Variants in MYCT1 observed in about 807,000 individuals in gnomAD.
MYCT1 encodes MYC target 1.
MYCT1 carries 12 observed loss-of-function variants against 15.0 expected under a neutral mutation model. The observed-to-expected ratio is 0.80, with a 90% CI of 0.51 to 1.29. MYCT1 has a LOEUF of 1.29. Ranked by LOEUF, MYCT1 falls within the 50% of genes most tolerant of loss-of-function variation. MYCT1 has a pLI of 0.00. For missense variants in MYCT1, 287 were observed against 279.1 expected (o/e 1.03, Z -0.20); for synonymous variants, 104 against 102.7 (o/e 1.01, Z -0.07).
intron 1 of MYCT1, 132 bp downstream of exon 1, chr6:152,698,230 T>A (rs1361153702): frequency 9.8e-6 from 4 of 406,752 alleles, no homozygotes; most frequent in Non-Finnish European, 1.7e-5. Flanking sequence ...TTTTCATGTT[T>A]ATTAACAGAA....
the MYCT1 span, among the ~76,000 whole-genome samples, chr6:152,737,232 ATAAAT>A: frequency 1.3e-5 from 2 of 152,152 alleles, no homozygotes; most frequent in African/African-American, 2.4e-5. Flanking sequence ...TTAGCTATAA[ATAAAT>A]TAAAAGTTTT....
At chr6:152,698,536 C>T (rs1282693713) in intron 1 of MYCT1, among the ~76,000 whole-genome samples, 11 of 151,858 alleles carry the variant, frequency 7.2e-5, no homozygotes, top group Non-Finnish European at 1.2e-4. Context: ...TGAGATTTTC[C>T]ATAGAGGCTA....
the MYCT1 span, among the ~76,000 whole-genome samples, chr6:152,739,769 G>A: frequency 6.6e-6 from 1 of 151,924 alleles, no homozygotes; most frequent in Admixed American, 6.6e-5. Flanking sequence ...CTTGAAATTT[G>A]AAATATTTTT....
At chr6:152,743,435 C>T in the MYCT1 span, among the ~76,000 whole-genome samples, 741 of 152,258 alleles carry the variant, frequency 4.9e-3, 4 homozygotes, top group Non-Finnish European at 7.8e-3. Context: ...ACCTAGGAAG[C>T]GACTCCCCGT....
intron 1 of MYCT1, among the ~76,000 whole-genome samples, chr6:152,699,182 A>C (rs536143329): frequency 2.6e-5 from 4 of 152,180 alleles, no homozygotes; most frequent in Non-Finnish European, 4.4e-5. Context: ...CCAGCAATCT[A>C]TATGTCTACC....
the MYCT1 span, among the ~76,000 whole-genome samples, chr6:152,742,644 A>G: frequency 6.6e-6 from 1 of 152,214 alleles, no homozygotes; most frequent in African/African-American, 2.4e-5. Flanking sequence ...ATTTGAGTCT[A>G]TAGAAGTTGC....
chr6:152,733,762 G>T, the MYCT1 span, among the ~76,000 whole-genome samples: 1 of 152,126 alleles, frequency 6.6e-6, no homozygotes, highest in East Asian at 1.9e-4. Flanking sequence ...TTGGGAATAG[G>T]CAAGTTAAAA....
At chr6:152,744,865 G>T in the MYCT1 span, among the ~76,000 whole-genome samples, 2 of 152,162 alleles carry the variant, frequency 1.3e-5, no homozygotes, top group Non-Finnish European at 2.9e-5. Flanking sequence ...TGTGGCGTCA[G>T]ATCTCTCCCA....
chr6:152,701,116 A>G (rs2099721238), intron 1 of MYCT1, among the ~76,000 whole-genome samples: 2 of 152,224 alleles, frequency 1.3e-5, no homozygotes, highest in African/African-American at 4.8e-5. Context: ...ATGAGGTGCT[A>G]TCTGTTCCTA....
rs1370954525 is a variant in MYCT1 at position 152,724,139 on chromosome 6, A to G, written c.*1886A>G. The G allele has an allele frequency of 6.6e-6, 1 of 152,136 alleles. No homozygotes were observed. The highest frequency in any genetic ancestry group is 2.1e-4 in the South Asian group (1 of 4,832). 9.4% of individuals were successfully genotyped at this position (152,136 alleles called of 1,614,324 possible). On this transcript the variant is annotated 3_prime_UTR_variant, in exon 2 of 2. Transcript: ENST00000367245. ...ATGGAAGAAAAAGGGAAAAAAGCTA[A>G]CCGGATAACCAATTTGTTATAAGTT... is the stretch of plus-strand genomic sequence containing the variant.
At chr6:152,744,587 A>T in the MYCT1 span, among the ~76,000 whole-genome samples, 1 of 152,172 alleles carries the variant, frequency 6.6e-6, no homozygotes, top group Admixed American at 6.5e-5. Flanking sequence ...GCTGCAGGAG[A>T]GAGGCCACCC....
chr6:152,730,597 G>A, the MYCT1 span, among the ~76,000 whole-genome samples: 1 of 152,108 alleles, frequency 6.6e-6, no homozygotes, highest in Non-Finnish European at 1.5e-5. Context: ...TTGTTAATTG[G>A]ATTTTGCGAG....
intron 1 of MYCT1, among the ~76,000 whole-genome samples, chr6:152,713,891 G>T (rs555482106): frequency 1.3e-5 from 2 of 152,188 alleles, no homozygotes; most frequent in South Asian, 4.1e-4. Flanking sequence ...CAGGTTAAAA[G>T]GTTTGAAAAC....
chr6:152,699,663 A>G (rs1303819314), intron 1 of MYCT1, among the ~76,000 whole-genome samples: 1 of 152,176 alleles, frequency 6.6e-6, no homozygotes, highest in Non-Finnish European at 1.5e-5. Context: ...ATTATTCAAA[A>G]GTAAAGTAGT....
rs2099725262 is a variant in MYCT1 at position 152,724,440 on chromosome 6, C to A, written c.*2187C>A. ...ACCCTTATCCCAGTTATAAGACAGT[C>A]AAAATGACTATTTCCTAAATATTGT... On this transcript the variant is annotated 3_prime_UTR_variant, in exon 2 of 2. Transcript: ENST00000367245. The A allele has an allele frequency of 6.6e-6, 1 of 152,062 alleles. No homozygotes were observed. Among genetic ancestry groups the A allele is most frequent in the Admixed American group, 6.5e-5 (1 of 15,282 alleles). The allele number at this position is 152,062 out of a possible 1,614,324, so 9.4% of individuals were successfully genotyped here.
chr6:152,704,728 A>G (rs1048806646), intron 1 of MYCT1, among the ~76,000 whole-genome samples: 7 of 152,182 alleles, frequency 4.6e-5, no homozygotes, highest in African/African-American at 7.2e-5. Context: ...TTATTGAGGT[A>G]TAATTGGCAA....
the MYCT1 span, among the ~76,000 whole-genome samples, chr6:152,736,082 T>C: frequency 6.6e-6 from 1 of 152,056 alleles, no homozygotes; most frequent in African/African-American, 2.4e-5. Context: ...ACCAGAGTCT[T>C]ACATCGTTAA....
chr6:152,698,745 C>T (rs1410504589), intron 1 of MYCT1, among the ~76,000 whole-genome samples: 2 of 152,082 alleles, frequency 1.3e-5, no homozygotes, highest in African/African-American at 4.8e-5. Context: ...AATAACATCA[C>T]GTGTAACATT....
chr6:152,726,641 T>C (rs2099725721), downstream of MYCT1, among the ~76,000 whole-genome samples: 1 of 152,172 alleles, frequency 6.6e-6, no homozygotes, highest in Non-Finnish European at 1.5e-5. Flanking sequence ...TAGTCCTTTT[T>C]TATTTTTTTC....
Sources: allele counts gnomAD v4.1 joint callset (sites outside exome capture counted in the v4.1 genomes callset), GRCh38; gene constraint gnomAD v4.1.1; transcripts MANE v1.5; gene names NCBI Gene and HGNC (gene_info 2026-07-23, HGNC 2026-07-21).